The following MIPEP variants were observed in gnomAD, a reference collection of about 807,000 sequenced individuals.
MIPEP encodes the protein mitochondrial intermediate peptidase.
In MIPEP, 79 loss-of-function variants were observed where a neutral mutation model predicts 90.3. The ratio of observed to expected loss-of-function variants is 0.87; its 90% CI spans 0.73 to 1.05. MIPEP has a LOEUF of 1.05. Among genes scored for constraint, MIPEP ranks in the 50% least tolerant of loss-of-function variants. The pLI is 0.00. For synonymous variants in MIPEP, 334 were observed against 315.8 expected, an observed-to-expected ratio of 1.06 and a Z score of -0.61; for missense variants, 940 against 905.6, an observed-to-expected ratio of 1.04 and a Z score of -0.49.
intron 5 of MIPEP, among the ~76,000 whole-genome samples, chr13:23,870,851 G>A (rs1306837350): frequency 1.3e-5 from 2 of 152,138 alleles, no homozygotes; most frequent in Admixed American, 1.3e-4. Context: ...AAAGTGTAGT[G>A]AGCCTCCAGA....
chr13:23,768,875 C>A (rs369294551), intron 16 of MIPEP, among the ~76,000 whole-genome samples: 17 of 152,278 alleles, frequency 1.1e-4, no homozygotes, highest in Non-Finnish European at 1.9e-4. Context: ...TATTAAAAAA[C>A]CCCTGGAAAT....
rs1276553428 is a variant in MIPEP at position 23,760,233 on chromosome 13, A to T, written c.1849-16T>A. The T allele has an allele frequency of 1.2e-6, 2 of 1,613,850 alleles. No homozygotes were observed. Among genetic ancestry groups the T allele is most frequent in the Admixed American group, 3.3e-5 (2 of 60,006 alleles). ...GCTGCCAGGCCTGCCAAGAACAGAG[A>T]GACACAGCACGGGACACAAGTCAGT... On this transcript the variant is annotated splice_polypyrimidine_tract_variant and intron_variant, in intron 16 of 18. Transcript: ENST00000382172.
At chr13:23,778,880 C>T (rs1952745884) in intron 16 of MIPEP, among the ~76,000 whole-genome samples, 1 of 152,174 alleles carries the variant, frequency 6.6e-6, no homozygotes, top group African/African-American at 2.4e-5. Context: ...TACAACACCA[C>T]ACTCTACAGT....
chr13:23,809,706 T>TGGTC lies in MIPEP; in HGVS notation c.1728+140_1728+143dup, dbSNP rs1056057188. ...GTGTGAGGACTAAATGAGTCAATTT[T>TGGTC]GGTCAAGTTCTTTGAACTCAGATGA... On this transcript the variant is annotated intron_variant, in intron 15 of 18. Coordinates refer to ENST00000382172, the MANE Select transcript of MIPEP (RefSeq NM_005932.4). 8.7e-6 allele frequency: 5 copies of TGGTC among 575,474 alleles called. No homozygotes were observed. The African/African-American group carries it at 9.6e-5, about 11-fold the overall frequency. 35.6% of individuals were successfully genotyped at this position (575,474 alleles called of 1,614,324 possible). A position where few individuals can be genotyped will look rare whatever the true frequency, so the allele number is the denominator to read the frequency against.
At chr13:23,829,245 T>C (rs1041271330) in intron 14 of MIPEP, among the ~76,000 whole-genome samples, 3 of 152,166 alleles carry the variant, frequency 2.0e-5, no homozygotes, top group Admixed American at 6.5e-5. Flanking sequence ...CTGGGTATGG[T>C]GGCTCACGCC....
chr13:23,741,475 G>A (rs1486351149), intron 18 of MIPEP, among the ~76,000 whole-genome samples: 1 of 139,232 alleles, frequency 7.2e-6, no homozygotes, highest in East Asian at 2.4e-4. Flanking sequence ...TACACACCAA[G>A]GAATACTATG....
At chr13:23,771,548 CACA>C (rs1161618023) in intron 16 of MIPEP, among the ~76,000 whole-genome samples, 1 of 151,720 alleles carries the variant, frequency 6.6e-6, no homozygotes, top group African/African-American at 2.4e-5. Context: ...CACACACACA[CACA>C]CACACACACA....
intron 15 of MIPEP, among the ~76,000 whole-genome samples, chr13:23,809,078 G>GCAGAC (rs1953143222): frequency 6.6e-6 from 1 of 152,144 alleles, no homozygotes; most frequent in Non-Finnish European, 1.5e-5. Context: ...CTGATGTCAT[G>GCAGAC]CAGACCTGGC....
At chr13:23,747,006 TGAA>T (rs1952390779) in intron 18 of MIPEP, among the ~76,000 whole-genome samples, 1 of 152,150 alleles carries the variant, frequency 6.6e-6, no homozygotes, top group Admixed American at 6.5e-5. Flanking sequence ...AAACAGAAGT[TGAA>T]GAAGACAGTA....
rs17079285 is a variant in MIPEP, at chr13:23,748,812, C to T, written c.2044+7733G>A. Among the ~76,000 whole-genome samples, 3,408 of 152,320 alleles carry T rather than the reference C, an allele frequency of 0.022. 329 individuals are homozygous for T. In the East Asian group the frequency reaches 0.31, roughly 14 times the overall value. On this transcript the variant is annotated intron_variant, in intron 18 of 18. Transcript: ENST00000382172. ...GAGCACGTTCTGGCATTTATTTATG[C>T]TGCGCCTCCACATACCTGGAGGCAC...
In MIPEP at chr13:23,756,541, T is replaced by C; in HGVS notation, c.2044+4A>G. 6.2e-7 allele frequency: 1 copy of C among 1,614,000 alleles called. No individual in the cohort carries two copies. Among genetic ancestry groups the C allele is most frequent in the South Asian group, 1.1e-5 (1 of 91,080 alleles). On this transcript the variant is annotated splice_donor_region_variant and intron_variant, in intron 18 of 18. Transcript: ENST00000382172. ...TAGATGGTGCCATTTTGGTTTTGTTTTACCTTCAACCATGAGCATGGGCTC... is the reference window on the plus strand; with the variant it reads ...TAGATGGTGCCATTTTGGTTTTGTTCTACCTTCAACCATGAGCATGGGCTC...
In MIPEP at chr13:23,742,200, A is replaced by G. The variant is rs74969772; in HGVS notation, c.2045-11755T>C. Among the ~76,000 whole-genome samples the G allele has an allele frequency of 6.9e-3, 1,051 of 152,330 alleles. 18 individuals are homozygous for G. Among genetic ancestry groups the G allele is most frequent in the African/African-American group, 0.024 (1,012 of 41,578 alleles). On this transcript the variant is annotated intron_variant, in intron 18 of 18. Transcript: ENST00000382172. ...AGGCTATTTCTCTTCTGACTATACA[A>G]AAGTTTTCCTTTGAAGGGGTGCCAA... is the stretch of plus-strand genomic sequence containing the variant.
At chr13:23,845,309 T>C (rs1024208454) in intron 10 of MIPEP, among the ~76,000 whole-genome samples, 9 of 152,158 alleles carry the variant, frequency 5.9e-5, no homozygotes, top group Non-Finnish European at 1.3e-4. Flanking sequence ...TCTCCTGTTG[T>C]GTTGTACATG....
At chr13:23,739,968 T>C (rs1052365885) in intron 18 of MIPEP, among the ~76,000 whole-genome samples, 1 of 152,068 alleles carries the variant, frequency 6.6e-6, no homozygotes, top group African/African-American at 2.4e-5. Context: ...GTCAATGGGG[T>C]AGGATATTGC....
intron 9 of MIPEP, among the ~76,000 whole-genome samples, chr13:23,861,274 T>A (rs1276176474): frequency 6.6e-6 from 1 of 152,212 alleles, no homozygotes; most frequent in Non-Finnish European, 1.5e-5. Context: ...TAAAGTCATA[T>A]TCACTTTTAC....
Position 23,874,913 on chromosome 13 carries a change from T to C in MIPEP, c.540-4A>G. 6.3e-7 allele frequency: 1 copy of C among 1,597,552 alleles called. No individual in the cohort carries two copies. Among genetic ancestry groups the C allele is most frequent in the South Asian group, 1.2e-5 (1 of 86,954 alleles). ...CATAAACAGTTCAGCCACTCGCCTA[T>C]AAATGAAATGAGCCCCAGGTTATAA... On this transcript the variant is annotated splice_polypyrimidine_tract_variant and splice_region_variant and intron_variant, in intron 4 of 18. Coordinates refer to ENST00000382172, the MANE Select transcript of MIPEP (RefSeq NM_005932.4).
At chr13:23,770,654 GA>G (rs897503661) in intron 16 of MIPEP, among the ~76,000 whole-genome samples, 9 of 152,158 alleles carry the variant, frequency 5.9e-5, no homozygotes, top group African/African-American at 2.2e-4. Context: ...AATTGGGCTG[GA>G]GTCCTCACCT....
chr13:23,799,775 G>A (rs181503531), intron 16 of MIPEP, among the ~76,000 whole-genome samples: 1 of 152,244 alleles, frequency 6.6e-6, no homozygotes, highest in Admixed American at 6.5e-5. Flanking sequence ...TTGTTCTAAC[G>A]AGAAGGACCA....
At chr13:23,749,586 A>G (rs1952418806) in intron 18 of MIPEP, among the ~76,000 whole-genome samples, 1 of 152,204 alleles carries the variant, frequency 6.6e-6, no homozygotes, top group Admixed American at 6.5e-5. Context: ...AGTCCTTCGC[A>G]GTCACTCAGA....
Sources: gnomAD v4.1 joint callset for allele counts (sites outside exome capture counted in the v4.1 genomes callset) on GRCh38, gnomAD v4.1.1 for gene constraint, MANE v1.5 for transcripts, NCBI Gene and HGNC (gene_info 2026-07-23, HGNC 2026-07-21) for gene names.